ADAMTS9: variants seen among roughly 807,000 people sequenced by gnomAD.
ADAMTS9 encodes the protein A disintegrin and metalloproteinase with thrombospondin motifs 9.
Under a neutral mutation model 257.1 loss-of-function variants are expected in ADAMTS9, and 107 were observed. The ratio of observed to expected loss-of-function variants is 0.42; its 90% CI spans 0.36 to 0.49. The LOEUF (loss-of-function observed/expected upper bound fraction) is 0.49, where lower values mean the gene tolerates loss of function less well. Among genes scored for constraint, ADAMTS9 ranks in the 20% least tolerant of loss-of-function variants. ADAMTS9 has a pLI of 0.03. For missense variants in ADAMTS9, 2,353 were observed against 2,469.1 expected (o/e 0.95, Z 1.00); for synonymous variants, 982 against 880.9 (o/e 1.11, Z -2.03).
chr3:64,524,540 A>G (rs1470480215), intron 38 of ADAMTS9, among the ~76,000 whole-genome samples: 1 of 152,228 alleles, frequency 6.6e-6, no homozygotes. Flanking sequence ...TAAGCGAAAT[A>G]TTTTCCTCCC....
At chr3:64,571,359 A>G (rs1452597705) in intron 28 of ADAMTS9, among the ~76,000 whole-genome samples, 1 of 152,234 alleles carries the variant, frequency 6.6e-6, no homozygotes, top group Non-Finnish European at 1.5e-5. Context: ...AGTGCTTCCC[A>G]CATGACTTCA....
At position 64,622,273 on chromosome 3, in the gene ADAMTS9, G is replaced by A; in HGVS notation, c.2611C>T (p.Pro871Ser). The A allele has an allele frequency of 6.2e-7, 1 of 1,613,778 alleles. No individual in the cohort carries two copies. The highest frequency in any genetic ancestry group is 8.5e-7 in the Non-Finnish European group (1 of 1,179,902). The change falls in exon 18 of 40, where the codon CCA becomes TCA. Residue 871 changes from proline to serine, a missense_variant. Pro to Ser is a moderately conservative substitution (Grantham distance 74). Around this residue, in one of 3 missense-constraint regions of ADAMTS9, gnomAD observed 1,402 missense variants for 1,441.4 expected, o/e 0.97. Transcript: ENST00000498707. ...NPDVRYSFNI[P>S]IEDKPQQFYW... Reference sequence around the variant, plus strand: ...AACTGCTGAGGTTTATCTTCAATTGGAATATTGAAAGAATAGCGTACATCG... The same window carrying A: ...AACTGCTGAGGTTTATCTTCAATTGAAATATTGAAAGAATAGCGTACATCG...
chr3:64,569,983 A>G (rs2083639802), intron 28 of ADAMTS9, among the ~76,000 whole-genome samples: 1 of 152,212 alleles, frequency 6.6e-6, no homozygotes, highest in African/African-American at 2.4e-5. Flanking sequence ...AGGCTTTTAG[A>G]ATGAAGTTCC....
chr3:64,650,654 C>A, intron 9 of ADAMTS9: 1 of 188,146 alleles, frequency 5.3e-6, no homozygotes, highest in Non-Finnish European at 1.1e-5. Context: ...CTTTTCAGGC[C>A]CAAATTACTA....
intron 38 of ADAMTS9, among the ~76,000 whole-genome samples, chr3:64,532,172 TTA>T (rs1158762557): frequency 6.6e-6 from 1 of 152,126 alleles, no homozygotes; most frequent in East Asian, 1.9e-4. Flanking sequence ...TACAATGGGG[TTA>T]TGTCTCAATA....
chr3:64,683,779 A>G (rs1338925267), intron 2 of ADAMTS9, among the ~76,000 whole-genome samples: 1 of 152,168 alleles, frequency 6.6e-6, no homozygotes, highest in Non-Finnish European at 1.5e-5. Context: ...AAGCTCCAAT[A>G]TAGGAGAAAA....
intron 28 of ADAMTS9, among the ~76,000 whole-genome samples, chr3:64,572,973 G>A (rs1243357008): frequency 6.6e-6 from 1 of 151,810 alleles, no homozygotes; most frequent in Non-Finnish European, 1.5e-5. Context: ...AGCTACTCAG[G>A]AGGCTGAGGA....
chr3:64,654,513 G>A (rs533499979), intron 7 of ADAMTS9, 55 bp from the exon 8 acceptor site: 13 of 1,562,842 alleles, frequency 8.3e-6, no homozygotes, highest in African/African-American at 1.7e-5. Flanking sequence ...ACTGTGGCTT[G>A]AAATACAAAC....
chr3:64,541,993 C>T lies in ADAMTS9; in HGVS notation c.5065-23G>A, dbSNP rs182534516. ...GCACTGTAAGACAAATGAGAGTCAGCGGTGTGGCTATGGAATGTGGGAGGC... is the reference window on the plus strand; with the variant it reads ...GCACTGTAAGACAAATGAGAGTCAGTGGTGTGGCTATGGAATGTGGGAGGC... On this transcript the variant is annotated intron_variant, in intron 32 of 39. Transcript: ENST00000498707. 6.9e-5 allele frequency: 111 copies of T among 1,613,530 alleles called. 1 individual carries two copies. In the East Asian group the frequency reaches 8.5e-4, roughly 12 times the overall value.
At chr3:64,684,304 G>A (rs1469747413) in intron 2 of ADAMTS9, among the ~76,000 whole-genome samples, 1 of 151,906 alleles carries the variant, frequency 6.6e-6, no homozygotes, top group African/African-American at 2.4e-5. Context: ...AAGTGAAGCG[G>A]GATAGATTTA....
At chr3:64,530,588 C>G (rs2082968382) in intron 38 of ADAMTS9, among the ~76,000 whole-genome samples, 2 of 151,646 alleles carry the variant, frequency 1.3e-5, no homozygotes, top group Admixed American at 1.3e-4. Flanking sequence ...CCCTCCAGCC[C>G]AGGCATCTCC....
chr3:64,618,983 T>G (rs9861652), intron 19 of ADAMTS9, among the ~76,000 whole-genome samples: 2,105 of 152,266 alleles, frequency 0.014, 56 homozygotes, highest in African/African-American at 0.047. Context: ...GTGGCTCACT[T>G]TGGAATCTGC....
At chr3:64,636,976 A>G (rs1576146076) in intron 12 of ADAMTS9, among the ~76,000 whole-genome samples, 1 of 152,294 alleles carries the variant, frequency 6.6e-6, no homozygotes, top group East Asian at 1.9e-4. Context: ...ACTCTCCCTG[A>G]CCAGAAGCTC....
chr3:64,582,526 A>G (rs2084032322), intron 28 of ADAMTS9: 1 of 152,180 alleles, frequency 6.6e-6, no homozygotes, highest in African/African-American at 2.4e-5. Context: ...AGGAATATGG[A>G]AAGAGAAATT....
chr3:64,537,855 G>C (rs914363581), intron 37 of ADAMTS9, among the ~76,000 whole-genome samples: 1 of 152,204 alleles, frequency 6.6e-6, no homozygotes, highest in Admixed American at 6.5e-5. Context: ...TGCCTTCCAA[G>C]GGCAGAAGCT....
intron 31 of ADAMTS9, among the ~76,000 whole-genome samples, chr3:64,548,289 T>G (rs529787842): frequency 1.3e-5 from 2 of 152,178 alleles, no homozygotes; most frequent in Non-Finnish European, 2.9e-5. Context: ...AGGCCTTCCC[T>G]TCCAGTTGGC....
Position 64,631,549 on chromosome 3 carries a change from A to G in ADAMTS9, c.2295T>C (p.Gly765=). 6.2e-7 allele frequency: 1 copy of G among 1,613,154 alleles called. No homozygotes were observed. The highest frequency in any genetic ancestry group is 8.5e-7 in the Non-Finnish European group (1 of 1,179,072). ...VAGTFNTVHY[G]YNTVVRIPAG... ...CTGGAATTCGGACCACAGTATTGTA[A>G]CCTGAAAAGAATTTAGCAGAAATTC... The change falls in exon 16 of 40, where the codon GGT becomes GGC. Residue 765 remains glycine (G), a splice_region_variant and synonymous_variant. Transcript: ENST00000498707.
intron 9 of ADAMTS9, chr3:64,649,984 TA>T: frequency 1.8e-6 from 1 of 555,164 alleles, no homozygotes; most frequent in South Asian, 2.7e-5. Context: ...ATGCAATGAA[TA>T]CAACATAGCC....
chr3:64,578,055 G>A (rs908157070), intron 28 of ADAMTS9, among the ~76,000 whole-genome samples: 2 of 152,118 alleles, frequency 1.3e-5, no homozygotes, highest in African/African-American at 2.4e-5. Flanking sequence ...ACTTGTGGGT[G>A]GATATTAATG....
Sources: gnomAD v4.1 joint callset for allele counts (sites outside exome capture counted in the v4.1 genomes callset) on GRCh38, gnomAD v4.1.1 for gene constraint, gnomAD v4.1.1 regional missense constraint, MANE v1.5 for transcripts, NCBI Gene and HGNC (gene_info 2026-07-23, HGNC 2026-07-21) for gene names.